The following FHIT variants were observed in gnomAD, a reference collection of about 807,000 sequenced individuals.
FHIT encodes bis(5'-adenosyl)-triphosphatase.
A neutral mutation model predicts 17.9 loss-of-function variants in FHIT; 19 were observed. That is an observed-to-expected ratio of 1.06 (90% CI 0.74 to 1.56). The LOEUF is 1.56. Among genes scored for constraint, FHIT ranks in the 40% most tolerant of loss-of-function variants. The pLI is 0.00. For synonymous variants in FHIT, 81 were observed against 69.7 expected (o/e 1.16, Z -0.81); for missense variants, 248 against 189.2 (o/e 1.31, Z -1.82).
intron 5 of FHIT, among the ~76,000 whole-genome samples, chr3:60,195,040 G>A (rs879351239): frequency 6.6e-6 from 1 of 151,932 alleles, no homozygotes; most frequent in Non-Finnish European, 1.5e-5. Flanking sequence ...GCGGCAGGGA[G>A]CTGTAATCCC....
At chr3:60,599,487 T>G (rs2038374058) in intron 4 of FHIT, among the ~76,000 whole-genome samples, 1 of 152,154 alleles carries the variant, frequency 6.6e-6, no homozygotes, top group Non-Finnish European at 1.5e-5. Context: ...AAATCAATGT[T>G]TTCTATATTT....
intron 4 of FHIT, among the ~76,000 whole-genome samples, chr3:60,758,602 A>G (rs1315506828): frequency 6.6e-6 from 1 of 152,164 alleles, no homozygotes; most frequent in Non-Finnish European, 1.5e-5. Flanking sequence ...TAAAATAAGC[A>G]TTAGTGGTCA....
At position 60,348,243 on chromosome 3, in the gene FHIT, C is replaced by T. The variant is rs544045428; in HGVS notation, c.103+188617G>A. On this transcript the variant is annotated intron_variant, in intron 5 of 9. Transcript: ENST00000492590. ...ATGAATGAAAAAAGCAATTACTTAG[C>T]AAAGGAGAGTTTTTAGATTAGGTTG... Among the ~76,000 whole-genome samples, 249 of 152,180 alleles carry T rather than the reference C, an allele frequency of 1.6e-3. 3 individuals are homozygous for T. Among genetic ancestry groups the T allele is most frequent in the Non-Finnish European group, 3.7e-4 (25 of 68,002 alleles).
At chr3:61,213,718 A>T (rs1214722724) in intron 1 of FHIT, among the ~76,000 whole-genome samples, 2 of 152,194 alleles carry the variant, frequency 1.3e-5, no homozygotes, top group Non-Finnish European at 2.9e-5. Context: ...TTTCAGCACC[A>T]CACCACACCT....
intron 4 of FHIT, among the ~76,000 whole-genome samples, chr3:60,651,056 T>C (rs1393012761): frequency 6.6e-6 from 1 of 152,178 alleles, no homozygotes; most frequent in African/African-American, 2.4e-5. Flanking sequence ...AAACTATTTA[T>C]AAACATTATT....
chr3:59,957,458 T>A (rs923249043), intron 7 of FHIT, among the ~76,000 whole-genome samples: 1 of 152,236 alleles, frequency 6.6e-6, no homozygotes, highest in African/African-American at 2.4e-5. Flanking sequence ...CACCACCTAA[T>A]CTGTAGCATT....
chr3:60,900,817 G>A (rs374432995), intron 3 of FHIT, among the ~76,000 whole-genome samples: 4 of 151,896 alleles, frequency 2.6e-5, no homozygotes, highest in African/African-American at 4.8e-5. Context: ...TCTCTCTGTC[G>A]CCCAGGCTGG....
At chr3:60,543,575 G>A (rs995762413) in intron 4 of FHIT, among the ~76,000 whole-genome samples, 2 of 152,084 alleles carry the variant, frequency 1.3e-5, no homozygotes, top group Admixed American at 6.6e-5. Context: ...TTCCTAGATA[G>A]CTTTTAGTTT....
chr3:59,935,606 T>G (rs1706195154), intron 7 of FHIT, among the ~76,000 whole-genome samples: 1 of 152,068 alleles, frequency 6.6e-6, no homozygotes, highest in Non-Finnish European at 1.5e-5. Context: ...TTAGAAGACA[T>G]ATTTTCTAAA....
Position 60,504,943 on chromosome 3 carries a change from A to C in FHIT, c.103+31917T>G, listed in dbSNP as rs1027439428. 5.3e-5 allele frequency among the ~76,000 whole-genome samples: 8 copies of C among 152,350 alleles called. No individual in the cohort carries two copies. The East Asian group carries it at 1.5e-3, about 29-fold the overall frequency. Reference sequence around the variant, plus strand: ...GACCTTTAAGTTCAAAGTGGAAGTCAAACTGCTATACGTCAGCATGACAAC... The same window carrying C: ...GACCTTTAAGTTCAAAGTGGAAGTCCAACTGCTATACGTCAGCATGACAAC... On this transcript the variant is annotated intron_variant, in intron 5 of 9. Transcript: ENST00000492590.
rs147397302 is a variant in FHIT, at chr3:60,122,627, A to G, written c.104-108475T>C. On this transcript the variant is annotated intron_variant, in intron 5 of 9. Transcript: ENST00000492590. ...ACATTCAATTCAGGACACGAAGGAC[A>G]GATAGACACTCAGAGCCTCAGAGAA... Among the ~76,000 whole-genome samples the G allele has an allele frequency of 1.4e-4, 21 of 152,190 alleles. 2 individuals carry two copies. Among genetic ancestry groups the G allele is most frequent in the Admixed American group, 6.5e-5 (1 of 15,280 alleles).
chr3:60,082,192 T>C (rs1203146640), intron 5 of FHIT, among the ~76,000 whole-genome samples: 1 of 152,078 alleles, frequency 6.6e-6, no homozygotes, highest in Non-Finnish European at 1.5e-5. Context: ...GTTTGTCTGT[T>C]TAACTCTCAC....
chr3:60,118,939 T>G (rs904753647), intron 5 of FHIT, among the ~76,000 whole-genome samples: 2 of 150,644 alleles, frequency 1.3e-5, no homozygotes, highest in African/African-American at 4.9e-5. Context: ...AAGAATCACT[T>G]AAACGTGGGA....
At chr3:60,974,417 A>G (rs1333897895) in intron 3 of FHIT, among the ~76,000 whole-genome samples, 1 of 152,208 alleles carries the variant, frequency 6.6e-6, no homozygotes, top group Non-Finnish European at 1.5e-5. Flanking sequence ...CTTGGATTTT[A>G]TGAACACTAC....
At chr3:61,116,335 A>C (rs1001213382) in intron 2 of FHIT, among the ~76,000 whole-genome samples, 3 of 152,130 alleles carry the variant, frequency 2.0e-5, no homozygotes, top group Non-Finnish European at 4.4e-5. Context: ...CCAAATACTG[A>C]AGCAAAAATG....
At chr3:61,057,013 C>A (rs12107501) in intron 2 of FHIT, among the ~76,000 whole-genome samples, 1,991 of 152,238 alleles carry the variant, frequency 0.013, 46 homozygotes, top group African/African-American at 0.046. Flanking sequence ...TGAATTGTCC[C>A]AGTAATAGCA....
At chr3:60,524,169 C>T (rs1219475853) in intron 5 of FHIT, among the ~76,000 whole-genome samples, 1 of 151,542 alleles carries the variant, frequency 6.6e-6, no homozygotes, top group Non-Finnish European at 1.5e-5. Context: ...TCCCTGCCCT[C>T]AGAGAGCTCA....
At chr3:59,898,650 TC>T (rs1704186221) in intron 8 of FHIT, among the ~76,000 whole-genome samples, 1 of 152,158 alleles carries the variant, frequency 6.6e-6, no homozygotes, top group Non-Finnish European at 1.5e-5. Flanking sequence ...TTTTTTTTCT[TC>T]TTTTTTTGGT....
At chr3:60,264,007 T>C (rs1045041290) in intron 5 of FHIT, among the ~76,000 whole-genome samples, 2 of 151,888 alleles carry the variant, frequency 1.3e-5, no homozygotes, top group African/African-American at 4.8e-5. Flanking sequence ...ATTTGATCTG[T>C]TCAAATTAAA....
Sources: allele counts gnomAD v4.1 joint callset (sites outside exome capture counted in the v4.1 genomes callset), GRCh38; gene constraint gnomAD v4.1.1; transcripts MANE v1.5; gene names NCBI Gene and HGNC (gene_info 2026-07-23, HGNC 2026-07-21).